The following LRRC4C variants were observed in gnomAD, a reference collection of about 807,000 sequenced individuals.
LRRC4C encodes the protein leucine rich repeat containing 4C.
Under a neutral mutation model 33.6 loss-of-function variants are expected in LRRC4C, and 5 were observed. That is an observed-to-expected ratio of 0.15 (90% CI 0.08 to 0.31). The LOEUF is 0.31. Ranked by LOEUF, LRRC4C falls within the 10% of genes least tolerant of loss-of-function variation. LRRC4C has a pLI of 1.00. For synonymous variants in LRRC4C, 329 were observed against 302.0 expected (o/e 1.09, Z -0.93); for missense variants, 560 against 796.7 (o/e 0.70, Z 3.58).
intron 2 of LRRC4C, among the ~76,000 whole-genome samples, chr11:40,841,943 T>C: frequency 6.6e-6 from 1 of 152,154 alleles, no homozygotes; most frequent in East Asian, 1.9e-4. Context: ...ATACAATCAT[T>C]TCATCTTCTC....
chr11:40,400,227 A>G lies in LRRC4C; in HGVS notation c.-269-80506T>C, dbSNP rs1218282748. Reference sequence around the variant, plus strand: ...ACACAGAGGTTTCTCTATCACTCGGATGCGGTTGCAGCATAGGCTGCAAAA... The same window carrying G: ...ACACAGAGGTTTCTCTATCACTCGGGTGCGGTTGCAGCATAGGCTGCAAAA... On this transcript the variant is annotated intron_variant, in intron 3 of 6. Transcript: ENST00000528697. Among the ~76,000 whole-genome samples the G allele has an allele frequency of 2.0e-5, 3 of 152,120 alleles. No individual in the cohort carries two copies. In the East Asian group the frequency reaches 5.8e-4, roughly 29 times the overall value.
At chr11:40,419,959 G>T (rs1303105191) in intron 3 of LRRC4C, among the ~76,000 whole-genome samples, 1 of 152,206 alleles carries the variant, frequency 6.6e-6, no homozygotes, top group Non-Finnish European at 1.5e-5. Flanking sequence ...GGATAGATAA[G>T]TGAAGGAGGT....
intron 1 of LRRC4C, among the ~76,000 whole-genome samples, chr11:41,380,591 T>A: frequency 6.6e-6 from 1 of 152,096 alleles, no homozygotes; most frequent in Middle Eastern, 3.2e-3. Flanking sequence ...ACTGGGCAGT[T>A]TATAAGAAAC....
intron 1 of LRRC4C, among the ~76,000 whole-genome samples, chr11:41,273,793 A>G (rs1201969669): frequency 6.6e-6 from 1 of 152,208 alleles, no homozygotes; most frequent in East Asian, 1.9e-4. Flanking sequence ...GATGTGATGG[A>G]TATGTTCAGT....
At chr11:40,152,957 G>T (rs971748864) in intron 5 of LRRC4C, among the ~76,000 whole-genome samples, 1 of 152,140 alleles carries the variant, frequency 6.6e-6, no homozygotes, top group African/African-American at 2.4e-5. Context: ...TTTCTGGAAA[G>T]CACCACCTCC....
chr11:41,455,026 C>G (rs1192063986), intron 1 of LRRC4C, among the ~76,000 whole-genome samples: 1 of 152,046 alleles, frequency 6.6e-6, no homozygotes, highest in South Asian at 2.1e-4. Flanking sequence ...ACAGCTAAGG[C>G]TTCATGAGAT....
intron 2 of LRRC4C, among the ~76,000 whole-genome samples, chr11:40,866,722 T>G (rs576815090): frequency 6.6e-6 from 1 of 152,210 alleles, no homozygotes; most frequent in Admixed American, 6.5e-5. Context: ...CAGCATTGTT[T>G]TAAGGGCCAG....
intron 1 of LRRC4C, among the ~76,000 whole-genome samples, chr11:41,042,682 C>T (rs355220): frequency 0.047 from 7,178 of 152,212 alleles, 242 homozygotes; most frequent in African/African-American, 0.088. Flanking sequence ...CTCCAGTTTG[C>T]TAATGGGCAA....
intron 1 of LRRC4C, among the ~76,000 whole-genome samples, chr11:41,155,676 CTTAAG>C (rs1051332486): frequency 2.0e-5 from 3 of 152,044 alleles, no homozygotes; most frequent in Non-Finnish European, 4.4e-5. Context: ...CTCTCCTATT[CTTAAG>C]TTAGGTTGTG....
intron 2 of LRRC4C, among the ~76,000 whole-genome samples, chr11:40,773,878 T>G (rs1949867217): frequency 6.6e-6 from 1 of 152,070 alleles, no homozygotes. Context: ...CAAAATAAAA[T>G]TAACCATTTC....
intron 2 of LRRC4C, among the ~76,000 whole-genome samples, chr11:40,914,148 T>A (rs912049182): frequency 1.3e-5 from 2 of 152,096 alleles, no homozygotes; most frequent in South Asian, 4.1e-4. Flanking sequence ...TTCCTTCTGA[T>A]ACTATTTCAA....
chr11:40,978,069 C>A (rs906535016), intron 1 of LRRC4C, among the ~76,000 whole-genome samples: 2 of 152,276 alleles, frequency 1.3e-5, no homozygotes, highest in Middle Eastern at 3.4e-3. Flanking sequence ...CTGACAGAGT[C>A]CTCAAATCTT....
intron 2 of LRRC4C, among the ~76,000 whole-genome samples, chr11:40,740,604 T>G (rs1948110929): frequency 6.6e-6 from 1 of 152,140 alleles, no homozygotes; most frequent in Non-Finnish European, 1.5e-5. Context: ...TCTCATTTGT[T>G]ATTTTCTTTG....
chr11:41,380,179 A>G (rs528211234), intron 1 of LRRC4C, among the ~76,000 whole-genome samples: 1 of 152,324 alleles, frequency 6.6e-6, no homozygotes, highest in East Asian at 1.9e-4. Context: ...AGCCCCGTGA[A>G]CAGGGAAGGT....
At chr11:40,925,216 A>T (rs10501244) in intron 2 of LRRC4C, among the ~76,000 whole-genome samples, 8,906 of 152,052 alleles carry the variant, frequency 0.059, 385 homozygotes, top group Admixed American at 0.15. Flanking sequence ...ATAAAAACCC[A>T]TGTGATTATG....
intron 3 of LRRC4C, among the ~76,000 whole-genome samples, chr11:40,534,716 T>C (rs1956402616): frequency 6.6e-6 from 1 of 152,200 alleles, no homozygotes; most frequent in African/African-American, 2.4e-5. Flanking sequence ...GAAATGTCCC[T>C]TCGTATATTT....
At chr11:40,283,255 T>C (rs1368957765) in intron 4 of LRRC4C, among the ~76,000 whole-genome samples, 2 of 152,204 alleles carry the variant, frequency 1.3e-5, no homozygotes, top group Non-Finnish European at 2.9e-5. Context: ...CTATTATCAA[T>C]ATTTCAAAAA....
In LRRC4C at chr11:40,243,686, T is replaced by C. The variant is rs938802711; in HGVS notation, c.-175-2088A>G. Among the ~76,000 whole-genome samples, 3 of 144,428 alleles carry C rather than the reference T, an allele frequency of 2.1e-5. No individual in the cohort carries two copies. The Admixed American group carries it at 2.2e-4, about 11-fold the overall frequency. The allele number at this position is 144,428 out of a possible 152,430, so 94.8% of individuals were successfully genotyped here. A position where few individuals can be genotyped will look rare whatever the true frequency, so the allele number is the denominator to read the frequency against. On this transcript the variant is annotated intron_variant, in intron 4 of 6. Coordinates refer to ENST00000528697, the MANE Select transcript of LRRC4C (RefSeq NM_001258419.2). ...CCTAGACATACGGAAAAAACTTATA[T>C]CTTTTTTTTTTTTTTTTTTTTGAGA...
chr11:40,378,259 C>T (rs1948734990), intron 3 of LRRC4C, among the ~76,000 whole-genome samples: 1 of 151,968 alleles, frequency 6.6e-6, no homozygotes, highest in East Asian at 1.9e-4. Context: ...AATGGATTAA[C>T]TTATTTCACT....
Sources: gnomAD v4.1 joint callset for allele counts (sites outside exome capture counted in the v4.1 genomes callset) on GRCh38, gnomAD v4.1.1 for gene constraint, MANE v1.5 for transcripts, NCBI Gene and HGNC (gene_info 2026-07-23, HGNC 2026-07-21) for gene names.